Variants in EPHB6 observed in about 807,000 individuals in gnomAD.
The protein encoded by EPHB6 is EPH receptor B6.
EPHB6 carries 51 observed loss-of-function variants against 107.0 expected under a neutral mutation model. That is an observed-to-expected ratio of 0.48 (90% CI 0.38 to 0.60). The LOEUF (loss-of-function observed/expected upper bound fraction) is 0.60, where lower values mean the gene tolerates loss of function less well. Ranked by LOEUF, EPHB6 falls within the 20% of genes least tolerant of loss-of-function variation. The pLI, the probability that EPHB6 is intolerant of heterozygous loss-of-function variation, is 0.00. For synonymous variants in EPHB6, 553 were observed against 549.0 expected (o/e 1.01, Z -0.10); for missense variants, 1,141 against 1,355.5 (o/e 0.84, Z 2.48).
Position 142,870,638 on chromosome 7 carries a change from C to T in EPHB6, c.2913C>T (p.Ser971=), listed in dbSNP as rs138450987. The change falls in exon 19 of 20, where the codon TCC becomes TCT. Residue 971 remains serine, a synonymous_variant. Transcript: ENST00000652003. ...IGLECYQDNF[S]KFGLCTFSDV... Reference sequence around the variant, plus strand: ...TGGAGTGCTACCAGGACAACTTCTCCAAGTTTGGCCTCTGTACCTTCAGTG... The same window carrying T: ...TGGAGTGCTACCAGGACAACTTCTCTAAGTTTGGCCTCTGTACCTTCAGTG... The T allele has an allele frequency of 1.9e-5, 31 of 1,614,124 alleles. No homozygotes were observed. In the African/African-American group the frequency reaches 3.6e-4, roughly 19 times the overall value.
In EPHB6 at chr7:142,866,973, G is replaced by T. The variant is rs758645035; in HGVS notation, c.1655G>T (p.Ser552Ile). The change falls in exon 11 of 20, where the codon AGC (serine) becomes ATC (isoleucine). Residue 552 changes from serine (S) to isoleucine (I), a missense_variant. Around this residue, in one of 3 missense-constraint regions of EPHB6, gnomAD observed 616 missense variants for 759.3 expected, o/e 0.81. Transcript: ENST00000652003. This position sits in a 1 kb window ranked among gnomAD's most constrained non-coding sequence, Gnocchi z 5.2. Reference protein sequence around the residue: ...ETNTATVTQLSPGHIYGFQVR... With the variant: ...ETNTATVTQLIPGHIYGFQVR... ...AACACTGCCACCGTGACACAGCTGA[G>T]CCCTGGCCACATCTATGGTTTCCAG... 43 of 1,613,996 alleles carry T rather than the reference G, an allele frequency of 2.7e-5. No homozygotes were observed. Among genetic ancestry groups the T allele is most frequent in the Admixed American group, 3.3e-5 (2 of 60,012 alleles).
In EPHB6 at chr7:142,869,909, CAT is replaced by C; in HGVS notation, c.2554_2555del (p.Met852ValfsTer16). On this transcript the variant is annotated frameshift_variant, in exon 17 of 20. Transcript: ENST00000652003. LOFTEE classifies it high-confidence loss of function. The surrounding 1 kb of genome is among the most constrained non-coding windows in gnomAD (Gnocchi z 4.5). ...SSDVWSFGIL[M>X]WEVMSYGERP... Reference sequence around the variant, plus strand: ...GTGATGTCTGGAGCTTTGGGATACTCATGTGGGAAGTGATGAGTTATGGAGAA... The same window carrying C: ...GTGATGTCTGGAGCTTTGGGATACTCGTGGGAAGTGATGAGTTATGGAGAA... 6.2e-7 allele frequency: 1 copy of C among 1,614,166 alleles called. No homozygotes were observed.
rs1369494703 is a variant in EPHB6, at chr7:142,864,186, C to T, written c.386C>T (p.Thr129Ile). ...GGCGGCACCTGCCGGGAGACCTTCACCCTTTACTACCGTCAGGCTGAGGAG... is the reference window on the plus strand; with the variant it reads ...GGCGGCACCTGCCGGGAGACCTTCATCCTTTACTACCGTCAGGCTGAGGAG... ...VSGGTCRETF[T>I]LYYRQAEEPD... Residue 129 changes from threonine (T) to isoleucine (I), a missense_variant, in exon 7 of 20, where the codon ACC becomes ATC. Coordinates refer to ENST00000652003, the MANE Select transcript of EPHB6 (RefSeq NM_004445.6). The T allele has an allele frequency of 6.2e-7, 1 of 1,613,900 alleles. No homozygotes were observed. The highest frequency in any genetic ancestry group is 8.5e-7 in the Non-Finnish European group (1 of 1,180,048).
intron 2 of EPHB6, among the ~76,000 whole-genome samples, chr7:142,861,608 A>T (rs564168339): frequency 6.6e-6 from 1 of 152,274 alleles, no homozygotes; most frequent in South Asian, 2.1e-4. Context: ...CCATTGTCCC[A>T]CTTTCACTTG....
chr7:142,866,211 G>A lies in EPHB6; in HGVS notation c.1357G>A (p.Ala453Thr), dbSNP rs763842895. 4 of 1,614,092 alleles carry A rather than the reference G, an allele frequency of 2.5e-6. 1 individual carries two copies. In the South Asian group the frequency reaches 4.4e-5, roughly 18 times the overall value. Residue 453 changes from alanine to threonine, a missense_variant, in exon 9 of 20, where the codon GCA becomes ACA. Transcript: ENST00000652003. The surrounding 1 kb of genome is among the most constrained non-coding windows in gnomAD (Gnocchi z 5.2). The stretch of plus-strand genomic sequence containing the variant: ...CCGAGTGTTAGTGGGGGGACTCCGG[G>A]CACACGTACCCTACATCTTAGAGGT... Reference protein sequence around the residue: ...ESRVLVGGLRAHVPYILEVQA... With the variant: ...ESRVLVGGLRTHVPYILEVQA...
rs1802567571 is a variant in EPHB6, at chr7:142,855,621, C to T, written c.-432+236C>T. ...ACCTGGCATCATTGACACCGCATTACCCTTGCTGTTAGGATCCCCCAGTTG... is the reference window on the plus strand; with the variant it reads ...ACCTGGCATCATTGACACCGCATTATCCTTGCTGTTAGGATCCCCCAGTTG... On this transcript the variant is annotated intron_variant, in intron 1 of 19. Transcript: ENST00000652003. This position sits in a 1 kb window ranked among gnomAD's most constrained non-coding sequence, Gnocchi z 4.2. 2.0e-5 allele frequency among the ~76,000 whole-genome samples: 3 copies of T among 152,176 alleles called. No homozygotes were observed. The highest frequency in any genetic ancestry group is 4.4e-5 in the Non-Finnish European group (3 of 68,022).
chr7:142,863,217 G>A lies in EPHB6; in HGVS notation c.-11G>A. 3 of 1,613,910 alleles carry A rather than the reference G, an allele frequency of 1.9e-6. No individual in the cohort carries two copies. In the Admixed American group the frequency reaches 5.0e-5, roughly 27 times the overall value. ...TGGCTGGGGCGATGGTGGACGCCCT[G>A]AAGATGTCCCATGGCTACTGAAGGG... On this transcript the variant is annotated 5_prime_UTR_variant, in exon 5 of 20. Transcript: ENST00000652003.
chr7:142,869,152 G>A lies in EPHB6; in HGVS notation c.2460+5G>A. The A allele has an allele frequency of 1.9e-6, 3 of 1,612,012 alleles. No individual in the cohort carries two copies. The South Asian group carries it at 3.3e-5, about 18-fold the overall frequency. On this transcript the variant is annotated splice_donor_5th_base_variant and intron_variant, in intron 16 of 19. Transcript: ENST00000652003. The surrounding 1 kb of genome is among the most constrained non-coding windows in gnomAD (Gnocchi z 4.5). ...CGTCTTGGCCACAGTCCTCAGGTGA[G>A]AGCACAGCCTTGGGGACACAGCCTG...
At chr7:142,858,423 C>CTTTTTTTT (rs958011230) in intron 1 of EPHB6, among the ~76,000 whole-genome samples, 4 of 57,582 alleles carry the variant, frequency 6.9e-5, no homozygotes, top group African/African-American at 3.0e-4. Context: ...TTAAGTCATT[C>CTTTTTTTT]TTTTTTTTTT....
chr7:142,865,390 G>A (rs577990996), intron 7 of EPHB6, 85 bp from the exon 8 acceptor site: 21 of 1,568,088 alleles, frequency 1.3e-5, no homozygotes, highest in African/African-American at 1.1e-4. Context: ...AGAAGGCTGC[G>A]AGGATACCTG....
Position 142,868,467 on chromosome 7 carries a change from C to A in EPHB6, c.2039-25C>A, listed in dbSNP as rs1794724800. The A allele has an allele frequency of 1.9e-6, 3 of 1,614,088 alleles. No individual in the cohort carries two copies. The highest frequency in any genetic ancestry group is 1.7e-5 in the Admixed American group (1 of 60,012). On this transcript the variant is annotated intron_variant, in intron 14 of 19. Coordinates refer to ENST00000652003, the MANE Select transcript of EPHB6 (RefSeq NM_004445.6). The surrounding 1 kb of genome is among the most constrained non-coding windows in gnomAD (Gnocchi z 4.2). ...AGGACGCTGTGAGCCTTGATCCCCA[C>A]CCCAACCTACACCTATTTTCCCAGG...
In EPHB6 at chr7:142,870,510, G is replaced by A. The variant is rs370336326; in HGVS notation, c.2805-20G>A. The A allele has an allele frequency of 1.2e-5, 20 of 1,613,966 alleles. No homozygotes were observed. The highest frequency in any genetic ancestry group is 5.0e-5 in the Admixed American group (3 of 60,008). ...AAGATGAAGAGGAGACCTTGACCCT[G>A]CTTGCCCCTCCCCTCTTAGGCCTTC... On this transcript the variant is annotated intron_variant, in intron 18 of 19. Transcript: ENST00000652003.
rs757401086 is a variant in EPHB6, at chr7:142,868,321, G to A, written c.1999G>A (p.Asp667Asn). The change falls in exon 14 of 20, where the codon GAT (aspartate) becomes AAT (asparagine). Residue 667 changes from aspartate to asparagine, a missense_variant. This residue lies in a region of EPHB6 where 616 missense variants were observed against 759.3 expected (regional missense o/e 0.81). Transcript: ENST00000652003. This position sits in a 1 kb window ranked among gnomAD's most constrained non-coding sequence, Gnocchi z 4.2. ...QAIRELAREVDPAYIKIEEVI... is the reference protein window; with the variant it reads ...QAIRELAREVNPAYIKIEEVI... ...CATCCGAGAACTTGCCCGGGAAGTC[G>A]ATCCTGCTTATATCAAGATTGAGGA... The A allele has an allele frequency of 8.1e-6, 13 of 1,614,006 alleles. No individual in the cohort carries two copies. Among genetic ancestry groups the A allele is most frequent in the Middle Eastern group, 1.6e-4 (1 of 6,084 alleles).
chr7:142,866,643 T>C lies in EPHB6; in HGVS notation c.1587+38T>C. 1 of 1,612,774 alleles carries C rather than the reference T, an allele frequency of 6.2e-7. No homozygotes were observed. Among genetic ancestry groups the C allele is most frequent in the Non-Finnish European group, 8.5e-7 (1 of 1,179,826 alleles). On this transcript the variant is annotated intron_variant, in intron 10 of 19. Transcript: ENST00000652003. The surrounding 1 kb of genome is among the most constrained non-coding windows in gnomAD (Gnocchi z 5.2). ...AGTGGGGGTTCCGCAGTAGGGCTGG[T>C]AGGAGCTCATAGGCCTCACAGTGGG... is the stretch of plus-strand genomic sequence containing the variant.
At position 142,863,147 on chromosome 7, in the gene EPHB6, C is replaced by T. The variant is rs2116406396; in HGVS notation, c.-81C>T. The T allele has an allele frequency of 8.3e-7, 1 of 1,211,094 alleles. No homozygotes were observed. Among genetic ancestry groups the T allele is most frequent in the Admixed American group, 1.9e-5 (1 of 53,406 alleles). The allele number at this position is 1,211,094 out of a possible 1,614,324, so 75.0% of individuals were successfully genotyped here. A position where few individuals can be genotyped will look rare whatever the true frequency, so the allele number is the denominator to read the frequency against. On this transcript the variant is annotated 5_prime_UTR_variant, in exon 5 of 20. Transcript: ENST00000652003. ...CTCAGGAAGCAAGCTTAGCTGTACA[C>T]CCTGAGTCTTGCAAAAGCTGCAGCC...
At position 142,870,260 on chromosome 7, in the gene EPHB6, G is replaced by C. The variant is rs772798669; in HGVS notation, c.2657G>C (p.Gly886Ala). Reference sequence around the variant, plus strand: ...GAGTTCCGGCTGCCCCCGCCTCCAGGCTGTCCTCCTGGATTACATCTACTT... The same window carrying C: ...GAGTTCCGGCTGCCCCCGCCTCCAGCCTGTCCTCCTGGATTACATCTACTT... ...EQEFRLPPPP[G>A]CPPGLHLLML... Residue 886 changes from glycine to alanine, a missense_variant, in exon 18 of 20, where the codon GGC becomes GCC. This residue lies in a region of EPHB6 where 616 missense variants were observed against 759.3 expected (regional missense o/e 0.81). Coordinates refer to ENST00000652003, the MANE Select transcript of EPHB6 (RefSeq NM_004445.6). 1.2e-6 allele frequency: 2 copies of C among 1,614,182 alleles called. No individual in the cohort carries two copies. Among genetic ancestry groups the C allele is most frequent in the South Asian group, 2.2e-5 (2 of 91,086 alleles).
chr7:142,868,131 A>G lies in EPHB6; in HGVS notation c.1918+82A>G, dbSNP rs779153621. ...GCAGGCAAGGCTGGATCCCCCCAAG[A>G]TTGGGGGAGCTCCTTGGCACAACCT... On this transcript the variant is annotated intron_variant, in intron 13 of 19. Coordinates refer to ENST00000652003, the MANE Select transcript of EPHB6 (RefSeq NM_004445.6). The surrounding 1 kb of genome is among the most constrained non-coding windows in gnomAD (Gnocchi z 4.2). The G allele has an allele frequency of 6.2e-7, 1 of 1,612,748 alleles. No homozygotes were observed. The highest frequency in any genetic ancestry group is 8.5e-7 in the Non-Finnish European group (1 of 1,178,876).
intron 1 of EPHB6, among the ~76,000 whole-genome samples, chr7:142,858,398 CAATTT>C (rs1017287964): frequency 3.5e-5 from 5 of 143,880 alleles, no homozygotes; most frequent in Admixed American, 6.9e-5. Context: ...ACCAATTTAC[CAATTT>C]AATTTACTTT....
Position 142,865,941 on chromosome 7 carries a change from A to G in EPHB6, c.1106-19A>G. 2 of 1,612,096 alleles carry G rather than the reference A, an allele frequency of 1.2e-6. No individual in the cohort carries two copies. Among genetic ancestry groups the G allele is most frequent in the Non-Finnish European group, 1.7e-6 (2 of 1,179,270 alleles). The stretch of plus-strand genomic sequence containing the variant: ...CTGCCCTCTTGGCCCTTGGACTGCC[A>G]TATCCTCCGGCCCCCCAGGTCCTCC... On this transcript the variant is annotated intron_variant, in intron 8 of 19. Transcript: ENST00000652003.
Sources: gnomAD v4.1 joint callset for allele counts (sites outside exome capture counted in the v4.1 genomes callset) on GRCh38, gnomAD v4.1.1 for gene constraint, gnomAD v4.1.1 regional missense constraint, Gnocchi (gnomAD v3.1) non-coding constraint, MANE v1.5 for transcripts, NCBI Gene and HGNC (gene_info 2026-07-23, HGNC 2026-07-21) for gene names.